The following RAB3GAP1 variants were observed in gnomAD, a reference collection of about 807,000 sequenced individuals.
RAB3GAP1 encodes the protein rab3 GTPase-activating protein catalytic subunit.
RAB3GAP1 carries 86 observed loss-of-function variants against 130.7 expected under a neutral mutation model. That is an observed-to-expected ratio of 0.66 (90% CI 0.55 to 0.79). RAB3GAP1 has a LOEUF of 0.79. Among genes scored for constraint, RAB3GAP1 ranks in the 30% least tolerant of loss-of-function variants. The pLI, the probability that RAB3GAP1 is intolerant of heterozygous loss-of-function variation, is 0.00. For missense variants in RAB3GAP1, 1,029 were observed against 1,169.4 expected (o/e 0.88, Z 1.75); for synonymous variants, 367 against 401.7 (o/e 0.91, Z 1.03).
In RAB3GAP1 at chr2:135,069,418, T is replaced by C. The variant is rs541591103; in HGVS notation, c.150+11332T>C. Among the ~76,000 whole-genome samples, 16 of 152,302 alleles carry C rather than the reference T, an allele frequency of 1.1e-4. 1 individual carries two copies. In the East Asian group the frequency reaches 2.9e-3, roughly 28 times the overall value. ...ATTAACCATTTTCTGTACTTTTTTT[T>C]CTTTATTTAGTCATTTTTCCCTTTA... On this transcript the variant is annotated intron_variant, in intron 3 of 23. Transcript: ENST00000264158.
At chr2:135,094,899 ATAT>A (rs1270444459) in intron 5 of RAB3GAP1, among the ~76,000 whole-genome samples, 1 of 152,110 alleles carries the variant, frequency 6.6e-6, no homozygotes, top group Non-Finnish European at 1.5e-5. Flanking sequence ...TGGCTGAATA[ATAT>A]TATATTGTGT....
At chr2:135,144,408 C>T (rs147283785) in intron 17 of RAB3GAP1, among the ~76,000 whole-genome samples, 41 of 152,054 alleles carry the variant, frequency 2.7e-4, no homozygotes, top group Non-Finnish European at 4.1e-4. Context: ...TTTGCGAGTA[C>T]GCAAAATGGG....
intron 18 of RAB3GAP1, among the ~76,000 whole-genome samples, chr2:135,152,263 G>A (rs1692198322): frequency 6.6e-6 from 1 of 152,214 alleles, no homozygotes; most frequent in African/African-American, 2.4e-5. Flanking sequence ...AGAAGGAGAG[G>A]GTGGATTCTG....
At chr2:135,159,201 C>T (rs951792516) in intron 19 of RAB3GAP1, among the ~76,000 whole-genome samples, 2 of 152,182 alleles carry the variant, frequency 1.3e-5, no homozygotes, top group African/African-American at 4.8e-5. Flanking sequence ...TATAGATACT[C>T]CACCCTCAAG....
intron 17 of RAB3GAP1, among the ~76,000 whole-genome samples, chr2:135,147,012 A>G (rs776821617): frequency 5.9e-5 from 9 of 152,000 alleles, no homozygotes; most frequent in African/African-American, 2.2e-4. Flanking sequence ...AAATTTATCA[A>G]ATGTGCCTTT....
chr2:135,086,684 T>TTTTC (rs1689994116), intron 3 of RAB3GAP1, among the ~76,000 whole-genome samples: 1 of 142,124 alleles, frequency 7.0e-6, no homozygotes, highest in Non-Finnish European at 1.5e-5. Flanking sequence ...TTTTTTTTTT[T>TTTTC]TTCCTTAGAG....
chr2:135,067,125 A>G (rs1689344487), intron 3 of RAB3GAP1, among the ~76,000 whole-genome samples: 1 of 152,244 alleles, frequency 6.6e-6, no homozygotes, highest in South Asian at 2.1e-4. Flanking sequence ...TGGGACTTAT[A>G]TAAACTTTAT....
intron 17 of RAB3GAP1, among the ~76,000 whole-genome samples, chr2:135,143,951 A>T (rs1178270573): frequency 2.0e-5 from 3 of 152,096 alleles, no homozygotes; most frequent in Non-Finnish European, 4.4e-5. Context: ...TTGTTCATAC[A>T]TTTTATCTTT....
At chr2:135,063,769 T>C (rs558300940) in intron 3 of RAB3GAP1, among the ~76,000 whole-genome samples, 1 of 152,326 alleles carries the variant, frequency 6.6e-6, no homozygotes, top group East Asian at 1.9e-4. Context: ...TTATAAATAA[T>C]GCTGCTATGA....
intron 7 of RAB3GAP1, among the ~76,000 whole-genome samples, chr2:135,119,520 A>G (rs1330507040): frequency 6.6e-6 from 1 of 152,194 alleles, no homozygotes; most frequent in African/African-American, 2.4e-5. Context: ...GCTCCTTATT[A>G]TAGGTGAATG....
chr2:135,125,870 C>T (rs1483913212), intron 9 of RAB3GAP1, among the ~76,000 whole-genome samples: 2 of 152,136 alleles, frequency 1.3e-5, no homozygotes, highest in African/African-American at 4.8e-5. Context: ...TAAGGAGGAA[C>T]TAATGTACTT....
At chr2:135,069,690 C>T (rs1417204989) in intron 3 of RAB3GAP1, among the ~76,000 whole-genome samples, 1 of 151,974 alleles carries the variant, frequency 6.6e-6, no homozygotes, top group Non-Finnish European at 1.5e-5. Context: ...TCTTTTTGTT[C>T]GTTTTATTCA....
At chr2:135,176,201 T>A (rs534713026) in intron 24 of RAB3GAP1, 1 of 152,304 alleles carries the variant, frequency 6.6e-6, no homozygotes, top group Admixed American at 6.5e-5. Flanking sequence ...TGTAATGCTA[T>A]ACTATAAAAG....
chr2:135,137,142 G>T, intron 17 of RAB3GAP1: 2 of 357,038 alleles, frequency 5.6e-6, no homozygotes, highest in South Asian at 2.4e-5. Context: ...TAAACAGCAT[G>T]GGATATGAAG....
intron 19 of RAB3GAP1, among the ~76,000 whole-genome samples, chr2:135,159,786 G>C (rs1413367041): frequency 6.6e-6 from 1 of 152,202 alleles, no homozygotes; most frequent in Non-Finnish European, 1.5e-5. Flanking sequence ...TCCATGCAAT[G>C]GAGTATTATT....
At chr2:135,090,914 A>G in intron 3 of RAB3GAP1, 84 bp from the exon 4 acceptor site, 1 of 1,295,846 alleles carries the variant, frequency 7.7e-7, no homozygotes, top group Non-Finnish European at 1.1e-6. Context: ...GGGCAGAAAA[A>G]GGGGAAAATA....
At chr2:135,061,377 A>G (rs887442246) in intron 3 of RAB3GAP1, among the ~76,000 whole-genome samples, 3 of 152,202 alleles carry the variant, frequency 2.0e-5, no homozygotes, top group African/African-American at 7.2e-5. Flanking sequence ...GTACTGTTTT[A>G]CCTGCCCACC....
At chr2:135,108,715 G>A (rs998683698) in intron 5 of RAB3GAP1, among the ~76,000 whole-genome samples, 5 of 152,012 alleles carry the variant, frequency 3.3e-5, no homozygotes, top group Admixed American at 3.3e-4. Context: ...GTATCAGTTT[G>A]TTCTTTTCTG....
intron 19 of RAB3GAP1, among the ~76,000 whole-genome samples, chr2:135,155,008 C>A (rs1692270377): frequency 6.6e-6 from 1 of 152,122 alleles, no homozygotes; most frequent in Non-Finnish European, 1.5e-5. Context: ...AAATGCAAAT[C>A]AGCTCATTTC....
Sources: allele counts gnomAD v4.1 joint callset (sites outside exome capture counted in the v4.1 genomes callset), GRCh38; gene constraint gnomAD v4.1.1; transcripts MANE v1.5; gene names NCBI Gene and HGNC (gene_info 2026-07-23, HGNC 2026-07-21).